Variants in GRIK1 observed in about 807,000 individuals in gnomAD.
GRIK1 encodes the protein glutamate ionotropic receptor kainate type subunit 1, also known as glutamate receptor ionotropic, kainate 1.
A neutral mutation model predicts 105.7 loss-of-function variants in GRIK1; 69 were observed. That is an observed-to-expected ratio of 0.65 (90% CI 0.54 to 0.80). GRIK1 has a LOEUF of 0.80. Ranked by LOEUF, GRIK1 falls within the 30% of genes least tolerant of loss-of-function variation. The pLI is 0.00. For synonymous variants in GRIK1, 438 were observed against 431.3 expected (o/e 1.02, Z -0.19); for missense variants, 1,109 against 1,167.3 (o/e 0.95, Z 0.73).
intron 1 of GRIK1, among the ~76,000 whole-genome samples, chr21:29,860,254 A>T (rs1188328346): frequency 6.6e-6 from 1 of 152,186 alleles, no homozygotes; most frequent in Non-Finnish European, 1.5e-5. Context: ...GAAACCTCCT[A>T]GCTGCAGCTT....
At chr21:29,779,345 TG>T (rs2066028040) in intron 1 of GRIK1, among the ~76,000 whole-genome samples, 2 of 151,090 alleles carry the variant, frequency 1.3e-5, no homozygotes, top group East Asian at 3.9e-4. Context: ...AGTGTGTGTG[TG>T]TGTGTGTGTG....
rs535702326 is a variant in GRIK1 at position 29,702,301 on chromosome 21, T to C, written c.119-8238A>G. On this transcript the variant is annotated intron_variant, in intron 1 of 17. Coordinates refer to ENST00000327783, the MANE Select transcript of GRIK1 (RefSeq NM_001330994.2). ...TGTACCCCTGAACTTAAAATGGAAG[T>C]TTTTTTTAAAAAAAAGTCCAAGTGG... Among the ~76,000 whole-genome samples the C allele has an allele frequency of 3.3e-5, 5 of 151,296 alleles. 1 individual carries two copies. Among genetic ancestry groups the C allele is most frequent in the African/African-American group, 1.2e-4 (5 of 40,772 alleles).
At chr21:29,651,435 G>T in intron 5 of GRIK1, 144 bp from the exon 6 acceptor site, 2 of 577,834 alleles carry the variant, frequency 3.5e-6, no homozygotes, top group Non-Finnish European at 5.9e-6. Flanking sequence ...AGTTACCTGC[G>T]GTCAACCACA....
At chr21:29,608,248 G>T (rs1042884701) in intron 7 of GRIK1, among the ~76,000 whole-genome samples, 13 of 152,248 alleles carry the variant, frequency 8.5e-5, no homozygotes, top group African/African-American at 2.6e-4. Flanking sequence ...AAGCTCATGT[G>T]TATAAGGTAA....
chr21:29,835,268 T>A (rs1045663620), intron 1 of GRIK1, among the ~76,000 whole-genome samples: 2 of 152,208 alleles, frequency 1.3e-5, no homozygotes, highest in Non-Finnish European at 2.9e-5. Context: ...CTGGCATTAA[T>A]CTGCTCACTT....
intron 7 of GRIK1, among the ~76,000 whole-genome samples, chr21:29,625,177 T>C (rs2062097057): frequency 6.6e-6 from 1 of 152,216 alleles, no homozygotes; most frequent in African/African-American, 2.4e-5. Flanking sequence ...CCTCACGCCA[T>C]TGGTTATATT....
chr21:29,673,906 G>A (rs982197728), intron 3 of GRIK1, among the ~76,000 whole-genome samples: 1 of 152,200 alleles, frequency 6.6e-6, no homozygotes, highest in Non-Finnish European at 1.5e-5. Flanking sequence ...AGGTGTGGAT[G>A]TACTGATCTG....
intron 1 of GRIK1, among the ~76,000 whole-genome samples, chr21:29,762,467 C>T (rs1199894754): frequency 6.6e-6 from 1 of 152,204 alleles, no homozygotes; most frequent in Non-Finnish European, 1.5e-5. Flanking sequence ...CCACTTACAA[C>T]TTATTCATCC....
chr21:29,879,015 C>T (rs942727621), intron 1 of GRIK1, among the ~76,000 whole-genome samples: 24 of 151,980 alleles, frequency 1.6e-4, no homozygotes, highest in African/African-American at 5.1e-4. Flanking sequence ...CATAGCAGCT[C>T]GATTAACTAA....
intron 4 of GRIK1, among the ~76,000 whole-genome samples, chr21:29,656,348 G>A (rs1431036888): frequency 8.6e-4 from 42 of 48,688 alleles, no homozygotes; most frequent in East Asian, 7.4e-3. Context: ...GGGCCAGAGC[G>A]AGACTCAAAA....
At chr21:29,742,022 T>G (rs181186495) in intron 1 of GRIK1, among the ~76,000 whole-genome samples, 1 of 152,210 alleles carries the variant, frequency 6.6e-6, no homozygotes, top group African/African-American at 2.4e-5. Context: ...CAGTGATACA[T>G]CAAAATTAAT....
intron 1 of GRIK1, among the ~76,000 whole-genome samples, chr21:29,812,187 G>A (rs990907448): frequency 3.9e-5 from 6 of 152,058 alleles, no homozygotes; most frequent in Admixed American, 2.6e-4. Flanking sequence ...GGATTTGCCT[G>A]TCTTACTCTC....
At chr21:29,746,955 A>T (rs574223293) in intron 1 of GRIK1, among the ~76,000 whole-genome samples, 3 of 152,332 alleles carry the variant, frequency 2.0e-5, no homozygotes, top group African/African-American at 7.2e-5. Flanking sequence ...CCTCAATCAG[A>T]TTAAAGGTCT....
At chr21:29,863,547 A>T (rs1329337429) in intron 1 of GRIK1, among the ~76,000 whole-genome samples, 2 of 152,164 alleles carry the variant, frequency 1.3e-5, no homozygotes, top group Admixed American at 6.5e-5. Context: ...TTATGTTCAC[A>T]CTAGTTGTCC....
At chr21:29,806,697 G>C (rs1054046726) in intron 1 of GRIK1, among the ~76,000 whole-genome samples, 2 of 151,972 alleles carry the variant, frequency 1.3e-5, no homozygotes, top group African/African-American at 4.8e-5. Context: ...TTCATATACT[G>C]AGTACTTACC....
Position 29,672,975 on chromosome 21 carries a change from C to T in GRIK1, c.726+8G>A, listed in dbSNP as rs202147316. On this transcript the variant is annotated splice_region_variant and intron_variant, in intron 4 of 17. Coordinates refer to ENST00000327783, the MANE Select transcript of GRIK1 (RefSeq NM_001330994.2). ...CCCACACCTCCACCTCCTCCCTAGC[C>T]CTCTTACCTGCTTAAGGATTTCAGC... 8 of 1,601,246 alleles carry T rather than the reference C, an allele frequency of 5.0e-6. No homozygotes were observed. In the Admixed American group the frequency reaches 1.2e-4, roughly 24 times the overall value.
chr21:29,665,895 A>G (rs2063049587), intron 4 of GRIK1, among the ~76,000 whole-genome samples: 1 of 152,252 alleles, frequency 6.6e-6, no homozygotes, highest in African/African-American at 2.4e-5. Flanking sequence ...TTGAGAGGAT[A>G]AAAAGAAATC....
At chr21:29,814,698 G>T (rs867464757) in intron 1 of GRIK1, among the ~76,000 whole-genome samples, 1 of 152,156 alleles carries the variant, frequency 6.6e-6, no homozygotes, top group African/African-American at 2.4e-5. Context: ...AAAATAAGTT[G>T]CACAGAAATT....
intron 5 of GRIK1, among the ~76,000 whole-genome samples, chr21:29,653,928 G>A (rs985575788): frequency 2.0e-5 from 3 of 152,182 alleles, no homozygotes; most frequent in African/African-American, 7.2e-5. Flanking sequence ...AGACATTTGA[G>A]TCAGAAATAG....
Sources: allele counts gnomAD v4.1 joint callset (sites outside exome capture counted in the v4.1 genomes callset), GRCh38; gene constraint gnomAD v4.1.1; transcripts MANE v1.5; gene names NCBI Gene and HGNC (gene_info 2026-07-23, HGNC 2026-07-21).